The following LRP1B variants were observed in gnomAD, a reference collection of about 807,000 sequenced individuals.
LRP1B encodes LDL receptor related protein 1B, also known as low-density lipoprotein receptor-related protein 1B.
Under a neutral mutation model 556.6 loss-of-function variants are expected in LRP1B, and 217 were observed. That is an observed-to-expected ratio of 0.39 (90% CI 0.35 to 0.44). The LOEUF is 0.44. LRP1B is among the 20% of genes least tolerant of loss of function. The probability of loss-of-function intolerance (pLI) is 1.00; values close to 1 mark genes in which losing one functional copy is unlikely to be tolerated. For missense variants in LRP1B, 5,053 were observed against 5,620.8 expected, an observed-to-expected ratio of 0.90 and a Z score of 3.23; for synonymous variants, 2,047 against 1,865.8, an observed-to-expected ratio of 1.10 and a Z score of -2.50.
At chr2:141,947,360 C>T (rs754321639) in intron 1 of LRP1B, among the ~76,000 whole-genome samples, 4 of 151,980 alleles carry the variant, frequency 2.6e-5, no homozygotes, top group Non-Finnish European at 5.9e-5. Flanking sequence ...TTGCTTAAAC[C>T]CAGGAGGTGG....
intron 2 of LRP1B, among the ~76,000 whole-genome samples, chr2:141,689,874 A>G (rs2105443604): frequency 6.6e-6 from 1 of 151,944 alleles, no homozygotes; most frequent in Non-Finnish European, 1.5e-5. Context: ...TATTTCCTCC[A>G]GTATAAAAAG....
chr2:141,236,272 A>T (rs1489883054), intron 5 of LRP1B, among the ~76,000 whole-genome samples: 1 of 152,196 alleles, frequency 6.6e-6, no homozygotes, highest in African/African-American at 2.4e-5. Context: ...TGACATATGC[A>T]TTACCTCACA....
At chr2:140,524,144 C>T (rs991651853) in intron 49 of LRP1B, among the ~76,000 whole-genome samples, 2 of 150,930 alleles carry the variant, frequency 1.3e-5, no homozygotes, top group East Asian at 1.9e-4. Flanking sequence ...AAACAAATAA[C>T]CCCATTAAAA....
At chr2:140,269,501 C>T (rs1275015161) in intron 86 of LRP1B, 1 of 395,546 alleles carries the variant, frequency 2.5e-6, no homozygotes, top group Non-Finnish European at 5.1e-6. Flanking sequence ...CAGATATGCG[C>T]ACTTCTCTCT....
intron 32 of LRP1B, among the ~76,000 whole-genome samples, chr2:140,810,897 G>A (rs1369248960): frequency 6.6e-6 from 1 of 151,970 alleles, no homozygotes; most frequent in African/African-American, 2.4e-5. Context: ...TACCATGACT[G>A]GCTAATTTTT....
At chr2:141,182,311 G>T (rs1681035088) in intron 7 of LRP1B, among the ~76,000 whole-genome samples, 1 of 151,874 alleles carries the variant, frequency 6.6e-6, no homozygotes, top group Non-Finnish European at 1.5e-5. Flanking sequence ...AGCATTGGTA[G>T]GTTTTAGAAT....
chr2:141,708,218 A>G (rs1395401226), intron 2 of LRP1B, among the ~76,000 whole-genome samples: 2 of 152,110 alleles, frequency 1.3e-5, no homozygotes, highest in Non-Finnish European at 2.9e-5. Context: ...AGGACTTAAT[A>G]TAAAATAAAT....
chr2:140,308,397 C>G (rs1340865958), intron 83 of LRP1B, among the ~76,000 whole-genome samples: 1 of 151,786 alleles, frequency 6.6e-6, no homozygotes, highest in Non-Finnish European at 1.5e-5. Context: ...GGAATGCTAG[C>G]AAAAGTAATT....
chr2:141,271,287 G>A (rs1685080111), intron 3 of LRP1B, among the ~76,000 whole-genome samples: 1 of 151,200 alleles, frequency 6.6e-6, no homozygotes, highest in East Asian at 1.9e-4. Context: ...TACACATAAT[G>A]AGAGTAGCAA....
At chr2:140,875,021 T>TAA (rs200338098) in intron 25 of LRP1B, among the ~76,000 whole-genome samples, 51 of 125,042 alleles carry the variant, frequency 4.1e-4, no homozygotes, top group African/African-American at 1.3e-3. Context: ...TCTGTCTCAA[T>TAA]AAAAAAAAAA....
At chr2:141,709,941 T>C (rs530923711) in intron 2 of LRP1B, among the ~76,000 whole-genome samples, 7 of 152,246 alleles carry the variant, frequency 4.6e-5, no homozygotes, top group African/African-American at 1.4e-4. Context: ...TCCTGATTCA[T>C]TGACAGCTGT....
At chr2:141,781,303 T>A (rs10193397) in intron 2 of LRP1B, among the ~76,000 whole-genome samples, 70,577 of 151,932 alleles carry the variant, frequency 0.46, 16,755 homozygotes, top group Middle Eastern at 0.58. Context: ...GATGTTATAG[T>A]TAAAATGATG....
chr2:140,432,302 G>C (rs1273912350), intron 66 of LRP1B, among the ~76,000 whole-genome samples: 2 of 151,984 alleles, frequency 1.3e-5, no homozygotes, highest in Non-Finnish European at 2.9e-5. Flanking sequence ...TCCCTTCACT[G>C]ACTCTCTTTT....
intron 82 of LRP1B, among the ~76,000 whole-genome samples, chr2:140,319,147 A>C (rs1684664245): frequency 6.6e-6 from 1 of 151,550 alleles, no homozygotes; most frequent in Non-Finnish European, 1.5e-5. Context: ...TGGACCAAAC[A>C]AAGAGGAAAG....
At chr2:140,597,210 G>T (rs1366736887) in intron 43 of LRP1B, among the ~76,000 whole-genome samples, 4 of 152,084 alleles carry the variant, frequency 2.6e-5, no homozygotes, top group Admixed American at 2.6e-4. Flanking sequence ...CTTGGACAGG[G>T]ATGGAAAATG....
intron 66 of LRP1B, among the ~76,000 whole-genome samples, chr2:140,398,936 A>T (rs997463112): frequency 7.2e-5 from 11 of 152,098 alleles, no homozygotes; most frequent in African/African-American, 2.2e-4. Flanking sequence ...ACATTTTTTT[A>T]AAAATATGTT....
At chr2:141,350,319 A>G (rs1688399346) in intron 3 of LRP1B, among the ~76,000 whole-genome samples, 1 of 151,992 alleles carries the variant, frequency 6.6e-6, no homozygotes, top group Non-Finnish European at 1.5e-5. Context: ...AAATGAAGAA[A>G]TGTGATGTTT....
intron 20 of LRP1B, among the ~76,000 whole-genome samples, chr2:140,946,827 G>A (rs1695562488): frequency 6.6e-6 from 1 of 152,144 alleles, no homozygotes; most frequent in Non-Finnish European, 1.5e-5. Context: ...TGTATACCAT[G>A]GAATACTATG....
intron 43 of LRP1B, among the ~76,000 whole-genome samples, chr2:140,558,762 C>A (rs1387424342): frequency 1.3e-5 from 2 of 151,724 alleles, no homozygotes; most frequent in Non-Finnish European, 2.9e-5. Context: ...AACATGGCAA[C>A]AACCTCTACA....
Sources: gnomAD v4.1 joint callset for allele counts (sites outside exome capture counted in the v4.1 genomes callset) on GRCh38, gnomAD v4.1.1 for gene constraint, MANE v1.5 for transcripts, NCBI Gene and HGNC (gene_info 2026-07-23, HGNC 2026-07-21) for gene names.